The following AK2 variants were observed in gnomAD, a reference collection of about 807,000 sequenced individuals.
AK2 encodes adenylate kinase 2.
AK2 carries 15 observed loss-of-function variants against 24.6 expected under a neutral mutation model. The ratio of observed to expected loss-of-function variants is 0.61; its 90% confidence interval spans 0.41 to 0.94. The LOEUF (loss-of-function observed/expected upper bound fraction) is 0.94. Among genes scored for constraint, AK2 ranks in the 40% least tolerant of loss-of-function variants. The pLI, the probability that AK2 is intolerant of heterozygous loss-of-function variation, is 0.00. For synonymous variants in AK2, 102 were observed against 114.0 expected (o/e 0.90, Z 0.67); for missense variants, 257 against 304.1 (o/e 0.85, Z 1.15).
intron 1 of AK2, among the ~76,000 whole-genome samples, chr1:33,025,605 T>G (rs1639831073): frequency 6.6e-6 from 1 of 152,248 alleles, no homozygotes; most frequent in South Asian, 2.1e-4. Flanking sequence ...GGCATTATAG[T>G]GTTTTGGTCA....
intron 4 of AK2, among the ~76,000 whole-genome samples, chr1:33,016,362 C>T (rs1001276666): frequency 1.7e-4 from 26 of 152,120 alleles, no homozygotes; most frequent in African/African-American, 4.3e-4. Flanking sequence ...CAGGCGCCCA[C>T]CACCAAGCCT....
rs1639756613 is a variant in AK2 at position 33,024,565 on chromosome 1, T to A, written c.96A>T (p.Ala32=). 6 of 1,613,994 alleles carry A rather than the reference T, an allele frequency of 3.7e-6. No homozygotes were observed. The highest frequency in any genetic ancestry group is 5.1e-6 in the Non-Finnish European group (6 of 1,180,000). The change falls in exon 2 of 6, where the codon GCA becomes GCT. Residue 32 remains alanine, a splice_region_variant and synonymous_variant. Transcript: ENST00000672715. ...CACAGAAGTTTTCAGCCAATCTGGG[T>A]GCCTACAGAGAGGAAGACAAAAACC... ...GPPGAGKGTQ[A]PRLAENFCVC... is the part of the protein sequence containing the mutation.
chr1:33,027,353 T>G (rs1237798476), intron 1 of AK2, among the ~76,000 whole-genome samples: 1 of 152,192 alleles, frequency 6.6e-6, no homozygotes, highest in East Asian at 1.9e-4. Context: ...GAACCTGTTC[T>G]ATTTTTATCA....
chr1:33,036,797 T>A lies in AK2; in HGVS notation c.32A>T (p.Glu11Val), dbSNP rs1429254472. Residue 11 changes from glutamate to valine, a missense_variant, in exon 1 of 6, where the codon GAG becomes GTG. Transcript: ENST00000672715. ...CACGGCCCGGATGCCTTTAGGATAC[T>A]CGGGTTCTGCCGCTGGCACGCTGGG... MAPSVPAAEP[E>V]YPKGIRAVLL... 3 of 1,598,364 alleles carry A rather than the reference T, an allele frequency of 1.9e-6. No individual in the cohort carries two copies. The highest frequency in any genetic ancestry group is 4.5e-5 in the East Asian group (2 of 44,330).
At chr1:33,029,880 C>T (rs954375621) in intron 1 of AK2, among the ~76,000 whole-genome samples, 5 of 152,234 alleles carry the variant, frequency 3.3e-5, no homozygotes, top group African/African-American at 1.2e-4. Flanking sequence ...GTCACTCCTG[C>T]TGTCAATGTT....
chr1:33,016,222 T>C (rs913145987), intron 4 of AK2, among the ~76,000 whole-genome samples: 4 of 152,168 alleles, frequency 2.6e-5, no homozygotes, highest in Non-Finnish European at 4.4e-5. Flanking sequence ...TATTTTTATT[T>C]TATTTTTGAG....
chr1:33,014,263 C>G (rs1639034019), intron 5 of AK2: 1 of 382,020 alleles, frequency 2.6e-6, no homozygotes, highest in Non-Finnish European at 5.0e-6. Flanking sequence ...CTGCTCTTGA[C>G]AGAAGACAGG....
intron 1 of AK2, among the ~76,000 whole-genome samples, chr1:33,035,861 T>G (rs574901710): frequency 3.3e-5 from 5 of 151,862 alleles, no homozygotes; most frequent in African/African-American, 1.2e-4. Flanking sequence ...ACCTGTTGAT[T>G]GATAAAGTTA....
At chr1:33,019,581 T>G (rs1026038739) in intron 4 of AK2, 5 of 975,198 alleles carry the variant, frequency 5.1e-6, no homozygotes, top group Non-Finnish European at 6.1e-6. Context: ...GAATATAAGG[T>G]AGAGTCCACT....
intron 2 of AK2, among the ~76,000 whole-genome samples, chr1:33,022,980 G>A (rs1441347592): frequency 6.6e-6 from 1 of 152,092 alleles, no homozygotes; most frequent in Non-Finnish European, 1.5e-5. Flanking sequence ...TCAATTACAT[G>A]AAGGGAAAAC....
intron 1 of AK2, 40 bp downstream of exon 1, chr1:33,036,696 T>A: frequency 6.5e-7 from 1 of 1,533,582 alleles, no homozygotes; most frequent in Non-Finnish European, 8.9e-7. Flanking sequence ...GACCTTGGAG[T>A]TCAGCAGGCT....
intron 1 of AK2, among the ~76,000 whole-genome samples, chr1:33,036,531 G>A (rs1402109092): frequency 1.3e-5 from 2 of 152,072 alleles, no homozygotes; most frequent in African/African-American, 4.8e-5. Context: ...GAATCCCTCG[G>A]GCACTCCAAT....
chr1:33,024,235 G>T, intron 2 of AK2: 1 of 679,766 alleles, frequency 1.5e-6, no homozygotes, highest in Non-Finnish European at 2.5e-6. Flanking sequence ...GCACATGGTT[G>T]TTCAACAGAA....
Position 33,013,182 on chromosome 1 carries a change from T to C in AK2, c.719A>G (p.Ter240=), listed in dbSNP as rs751725148. Residue 240 remains the stop codon, a stop_retained_variant, in exon 6 of 6, where the codon TAA becomes TGA. Transcript: ENST00000672715. ...AGAAATTCCTTCTTGGACCCAACATTAGATAAACATAACCAAGTCTTTACA... is the reference window on the plus strand; with the variant it reads ...AGAAATTCCTTCTTGGACCCAACATCAGATAAACATAACCAAGTCTTTACA... ...ATCKDLVMFI[*] 28 of 1,613,986 alleles carry C rather than the reference T, an allele frequency of 1.7e-5. No homozygotes were observed. The South Asian group carries it at 3.0e-4, about 17-fold the overall frequency.
In AK2 at chr1:33,034,031, G is replaced by A. The variant is rs150837483; in HGVS notation, c.93+2705C>T. Among the ~76,000 whole-genome samples, 1,026 of 152,116 alleles carry A rather than the reference G, an allele frequency of 6.7e-3. 8 individuals carry two copies. Among genetic ancestry groups the A allele is most frequent in the Middle Eastern group, 0.017 (5 of 294 alleles). ...TGGGACTACAGGCACACACCACCAT[G>A]CCTGGCTAATTTTTGCATTTTTTTG... On this transcript the variant is annotated intron_variant, in intron 1 of 5. Transcript: ENST00000672715.
At position 33,008,175 on chromosome 1, in the gene AK2, C is replaced by T. The variant is rs1638591856; in HGVS notation, c.*5006G>A. 2.2e-6 allele frequency: 1 copy of T among 454,114 alleles called. No homozygotes were observed. The highest frequency in any genetic ancestry group is 4.4e-6 in the Non-Finnish European group (1 of 226,904). The allele number at this position is 454,114 out of a possible 1,614,324, so 28.1% of individuals were successfully genotyped here. A position where few individuals can be genotyped will look rare whatever the true frequency, so the allele number is the denominator to read the frequency against. ...TCCATCTGTGTTTACTAAGCATCTG[C>T]TGTGTCCTGGGCAGTCCAACCCACA... is the stretch of plus-strand genomic sequence containing the variant. On this transcript the variant is annotated 3_prime_UTR_variant, in exon 6 of 6. Coordinates refer to ENST00000672715, the MANE Select transcript of AK2 (RefSeq NM_001625.4).
Position 33,009,794 on chromosome 1 carries a change from T to C in AK2, c.*3387A>G. 2 of 454,450 alleles carry C rather than the reference T, an allele frequency of 4.4e-6. No homozygotes were observed. The highest frequency in any genetic ancestry group is 8.8e-6 in the Non-Finnish European group (2 of 226,780). The allele number at this position is 454,450 out of a possible 1,614,324, so 28.2% of individuals were successfully genotyped here. Reference sequence around the variant, plus strand: ...GTTGCAGGCTTATCTCATATGCACATACTTGGACCTCCCTACCACACAGCT... The same window carrying C: ...GTTGCAGGCTTATCTCATATGCACACACTTGGACCTCCCTACCACACAGCT... On this transcript the variant is annotated 3_prime_UTR_variant, in exon 6 of 6. Coordinates refer to ENST00000672715, the MANE Select transcript of AK2 (RefSeq NM_001625.4).
chr1:33,034,416 T>C (rs986735266), intron 1 of AK2, among the ~76,000 whole-genome samples: 2 of 151,648 alleles, frequency 1.3e-5, no homozygotes, highest in African/African-American at 4.9e-5. Flanking sequence ...ACCTACTATA[T>C]AGCAGGCTGT....
chr1:33,026,789 A>G (rs1353613748), intron 1 of AK2, among the ~76,000 whole-genome samples: 2 of 151,404 alleles, frequency 1.3e-5, no homozygotes, highest in Non-Finnish European at 2.9e-5. Flanking sequence ...GCCTGGAGAC[A>G]GAGCAAGACT....
Sources: gnomAD v4.1 joint callset for allele counts (sites outside exome capture counted in the v4.1 genomes callset) on GRCh38, gnomAD v4.1.1 for gene constraint, MANE v1.5 for transcripts, NCBI Gene and HGNC (gene_info 2026-07-23, HGNC 2026-07-21) for gene names.